IRF2: variants seen among roughly 807,000 people sequenced by gnomAD.
IRF2 encodes the protein interferon regulatory factor 2.
A neutral mutation model predicts 40.6 loss-of-function variants in IRF2; 15 were observed. The observed-to-expected ratio is 0.37, with a 90% CI of 0.25 to 0.57. IRF2 has a LOEUF of 0.57. IRF2 is among the 20% of genes least tolerant of loss of function. IRF2 has a pLI of 0.77. For synonymous variants in IRF2, 151 were observed against 165.5 expected (o/e 0.91, Z 0.67); for missense variants, 317 against 455.7 (o/e 0.70, Z 2.77).
chr4:184,419,340 C>G (rs1267955355), intron 3 of IRF2, 129 bp downstream of exon 3: 1 of 699,380 alleles, frequency 1.4e-6, no homozygotes, highest in African/African-American at 1.8e-5. Context: ...CCTGGATGTG[C>G]CTAGGGACAA....
intron 5 of IRF2, among the ~76,000 whole-genome samples, chr4:184,416,514 A>C (rs898031331): frequency 1.8e-4 from 28 of 152,192 alleles, no homozygotes; most frequent in African/African-American, 6.8e-4. Context: ...TTTAAGTAAC[A>C]AACTACACGA....
At chr4:184,446,735 C>T (rs1431425832) in intron 1 of IRF2, among the ~76,000 whole-genome samples, 2 of 151,910 alleles carry the variant, frequency 1.3e-5, no homozygotes, top group Non-Finnish European at 2.9e-5. Flanking sequence ...GGACGGATCA[C>T]GAGGTCAGGA....
chr4:184,446,518 A>G (rs1738515015), intron 1 of IRF2, among the ~76,000 whole-genome samples: 1 of 152,196 alleles, frequency 6.6e-6, no homozygotes, highest in Non-Finnish European at 1.5e-5. Context: ...CACACAGGCA[A>G]CTGAGTAAAT....
At chr4:184,442,989 G>T (rs528373540) in intron 1 of IRF2, among the ~76,000 whole-genome samples, 1 of 151,506 alleles carries the variant, frequency 6.6e-6, no homozygotes, top group African/African-American at 2.4e-5. Flanking sequence ...GCAATGGCAC[G>T]ATCTCTGCTC....
chr4:184,446,122 C>T (rs144288602), intron 1 of IRF2, among the ~76,000 whole-genome samples: 175 of 152,288 alleles, frequency 1.1e-3, no homozygotes, highest in Non-Finnish European at 2.3e-3. Flanking sequence ...TGCAGATTCC[C>T]GCTCAGGGTC....
In IRF2 at chr4:184,419,374, T is replaced by C. The variant is rs184625840; in HGVS notation, c.187+95A>G. 1,772 of 855,074 alleles carry C rather than the reference T, an allele frequency of 2.1e-3. 12 individuals carry two copies. The highest frequency in any genetic ancestry group is 0.012 in the South Asian group (827 of 70,994). 53.0% of individuals were successfully genotyped at this position (855,074 alleles called of 1,614,324 possible). ...AAGTCACAGGTTTTTCAGAGCCATC[T>C]TCATGAGGTCATAAGCCAGGCTATT... On this transcript the variant is annotated intron_variant, in intron 3 of 8. Transcript: ENST00000393593.
At chr4:184,429,183 G>C in intron 1 of IRF2, 113 bp from the exon 2 acceptor site, 47 of 610,556 alleles carry the variant, frequency 7.7e-5, no homozygotes, top group Non-Finnish European at 9.2e-5. Flanking sequence ...TGGGGCTGGG[G>C]ACCAGGGGGC....
chr4:184,407,116 C>T (rs1452420641), intron 6 of IRF2: 14 of 1,094,720 alleles, frequency 1.3e-5, no homozygotes, highest in East Asian at 1.2e-4. Context: ...ACAGAATGTC[C>T]GCACCTGCAA....
At chr4:184,393,628 A>G (rs1315407921) in intron 7 of IRF2, among the ~76,000 whole-genome samples, 1 of 152,210 alleles carries the variant, frequency 6.6e-6, no homozygotes, top group East Asian at 1.9e-4. Flanking sequence ...CAGATAAGAA[A>G]AGATACACAT....
intron 6 of IRF2, among the ~76,000 whole-genome samples, chr4:184,402,421 G>A (rs549197527): frequency 1.3e-5 from 2 of 152,166 alleles, no homozygotes; most frequent in African/African-American, 2.4e-5. Context: ...CCGAAACTAC[G>A]ATGGGCCGCG....
At chr4:184,450,754 C>T (rs1049210039) in intron 1 of IRF2, among the ~76,000 whole-genome samples, 1 of 151,976 alleles carries the variant, frequency 6.6e-6, no homozygotes, top group Non-Finnish European at 1.5e-5. Flanking sequence ...TATCATTGTT[C>T]TTTCTCCATG....
At chr4:184,393,245 G>C (rs900750793) in intron 7 of IRF2, among the ~76,000 whole-genome samples, 8 of 152,210 alleles carry the variant, frequency 5.3e-5, no homozygotes, top group Non-Finnish European at 1.2e-4. Flanking sequence ...GCACACAGCA[G>C]CCCTGCTTCC....
intron 1 of IRF2, among the ~76,000 whole-genome samples, chr4:184,473,388 C>A (rs1274021138): frequency 6.8e-6 from 1 of 147,016 alleles, no homozygotes; most frequent in East Asian, 2.0e-4. Context: ...CGGCCGGGGG[C>A]GCCTGCGGGG....
At position 184,408,143 on chromosome 4, in the gene IRF2, G is replaced by A. The variant is rs766203878; in HGVS notation, c.529+15C>T. 76 of 1,502,778 alleles carry A rather than the reference G, an allele frequency of 5.1e-5. No individual in the cohort carries two copies. The highest frequency in any genetic ancestry group is 1.7e-5 in the Admixed American group (1 of 59,178). The allele number at this position is 1,502,778 out of a possible 1,614,324, so 93.1% of individuals were successfully genotyped here. The stretch of plus-strand genomic sequence containing the variant: ...TGCTGGTATGTATAAAAAATGAGAC[G>A]TCAAAACAGTTTACCTATGATGTTC... On this transcript the variant is annotated intron_variant, in intron 6 of 8. Coordinates refer to ENST00000393593, the MANE Select transcript of IRF2 (RefSeq NM_002199.4). The surrounding 1 kb of genome is among the most constrained non-coding windows in gnomAD (Gnocchi z 4.9).
At chr4:184,421,666 A>C (rs1347647968) in intron 2 of IRF2, among the ~76,000 whole-genome samples, 1 of 152,180 alleles carries the variant, frequency 6.6e-6, no homozygotes, top group African/African-American at 2.4e-5. Flanking sequence ...TCTAACTTGC[A>C]AGACACAAAA....
chr4:184,401,603 C>A (rs1215901451), intron 6 of IRF2, among the ~76,000 whole-genome samples: 2 of 151,700 alleles, frequency 1.3e-5, no homozygotes, highest in African/African-American at 2.4e-5. Flanking sequence ...CTGACGCTGA[C>A]CTACACCAAC....
At position 184,470,792 on chromosome 4, in the gene IRF2, G is replaced by A. The variant is rs545406643; in HGVS notation, c.-7+3587C>T. ...ACAGATAATGAAGAAGTTGACACGA[G>A]AGTGAAGAAGATTCAGACTAAAGCA... On this transcript the variant is annotated intron_variant, in intron 1 of 8. Coordinates refer to ENST00000393593, the MANE Select transcript of IRF2 (RefSeq NM_002199.4). 4.6e-5 allele frequency among the ~76,000 whole-genome samples: 7 copies of A among 152,184 alleles called. No homozygotes were observed. The East Asian group carries it at 1.3e-3, about 29-fold the overall frequency.
At position 184,448,456 on chromosome 4, in the gene IRF2, T is replaced by A. The variant is rs1579099499; in HGVS notation, c.-6-19386A>T. 1.3e-5 allele frequency among the ~76,000 whole-genome samples: 2 copies of A among 152,196 alleles called. No individual in the cohort carries two copies. Among genetic ancestry groups the A allele is most frequent in the African/African-American group, 4.8e-5 (2 of 41,428 alleles). ...GATGGTCCATAATTCATTTAAATTG[T>A]TCAGTTGTGTAGAAGAGGAGAAATA... On this transcript the variant is annotated intron_variant, in intron 1 of 8. Coordinates refer to ENST00000393593, the MANE Select transcript of IRF2 (RefSeq NM_002199.4). The surrounding 1 kb of genome is among the most constrained non-coding windows in gnomAD (Gnocchi z 4.3).
At chr4:184,451,086 C>T (rs1271692674) in intron 1 of IRF2, among the ~76,000 whole-genome samples, 1 of 152,148 alleles carries the variant, frequency 6.6e-6, no homozygotes, top group East Asian at 1.9e-4. Flanking sequence ...TATTATGCAA[C>T]GTGAGAAGTT....
Sources: allele counts gnomAD v4.1 joint callset (sites outside exome capture counted in the v4.1 genomes callset), GRCh38; gene constraint gnomAD v4.1.1; non-coding constraint Gnocchi (gnomAD v3.1); transcripts MANE v1.5; gene names NCBI Gene and HGNC (gene_info 2026-07-23, HGNC 2026-07-21).